Variants in PEMT observed in about 807,000 individuals in gnomAD.
The protein encoded by PEMT is phosphatidylethanolamine N-methyltransferase.
A neutral mutation model predicts 27.4 loss-of-function variants in PEMT; 23 were observed. That is an observed-to-expected ratio of 0.84 (90% CI 0.60 to 1.19). The LOEUF (loss-of-function observed/expected upper bound fraction) is 1.19, where lower values mean the gene tolerates loss of function less well. Among genes scored for constraint, PEMT ranks in the 50% most tolerant of loss-of-function variants. The pLI is 0.00. For synonymous variants in PEMT, 137 were observed against 139.1 expected (o/e 0.98, Z 0.11); for missense variants, 307 against 310.1 (o/e 0.99, Z 0.07).
intron 1 of PEMT, chr17:17,577,383 T>C: frequency 2.5e-6 from 2 of 812,426 alleles, no homozygotes; most frequent in South Asian, 3.0e-5. Flanking sequence ...CCCAAGCAGC[T>C]GAGATAAATG....
chr17:17,565,063 CTG>C (rs916720384), intron 2 of PEMT, among the ~76,000 whole-genome samples: 2 of 152,322 alleles, frequency 1.3e-5, no homozygotes, highest in Middle Eastern at 3.4e-3. Flanking sequence ...GTTTTGAAAA[CTG>C]TGGCTGGGGA....
At chr17:17,550,276 C>T (rs1203946710) in intron 2 of PEMT, among the ~76,000 whole-genome samples, 1 of 152,220 alleles carries the variant, frequency 6.6e-6, no homozygotes, top group Admixed American at 6.5e-5. Context: ...CTGCCTGTTC[C>T]AGGGCCTGCT....
intron 5 of PEMT, chr17:17,508,717 CG>C: frequency 2.4e-5 from 11 of 458,136 alleles, no homozygotes; most frequent in Admixed American, 2.5e-5. Flanking sequence ...TCCTCTGACC[CG>C]CCGGGGGAGC....
rs116876078 is a variant in PEMT, at chr17:17,537,601, G to T, written c.205-15206C>A. ...GCTGATTAGTCATGCTCTGCACGTG[G>T]CCACCTCTTCCATCCCTGATACTTG... On this transcript the variant is annotated intron_variant, in intron 2 of 6. Coordinates refer to ENST00000255389, the MANE Select transcript of PEMT (RefSeq NM_148172.3). Among the ~76,000 whole-genome samples the T allele has an allele frequency of 6.9e-3, 1,055 of 152,342 alleles. 5 individuals carry two copies. The highest frequency in any genetic ancestry group is 0.024 in the South Asian group (116 of 4,824).
chr17:17,551,546 G>A (rs970229106), intron 2 of PEMT, among the ~76,000 whole-genome samples: 6 of 152,166 alleles, frequency 3.9e-5, no homozygotes, highest in Admixed American at 6.5e-5. Flanking sequence ...GGGCCTGTCT[G>A]GGGCTGAGAT....
chr17:17,507,228 G>A (rs1231367746), intron 5 of PEMT: 2 of 1,525,372 alleles, frequency 1.3e-6, no homozygotes, highest in South Asian at 2.4e-5. Context: ...GAGGGAGGGA[G>A]GAAGAGAGGA....
chr17:17,578,119 CAGAA>C (rs1463848784), intron 1 of PEMT, among the ~76,000 whole-genome samples: 2 of 151,348 alleles, frequency 1.3e-5, no homozygotes, highest in African/African-American at 4.9e-5. Context: ...AGCACCTAGA[CAGAA>C]ATTTCTAGAA....
intron 2 of PEMT, among the ~76,000 whole-genome samples, chr17:17,539,837 C>T (rs1396038722): frequency 6.6e-6 from 1 of 152,178 alleles, no homozygotes; most frequent in Non-Finnish European, 1.5e-5. Context: ...TGCCGCAGCC[C>T]CTGTGCCCCA....
At chr17:17,541,476 G>C (rs73978969) in intron 2 of PEMT, among the ~76,000 whole-genome samples, 2 of 152,094 alleles carry the variant, frequency 1.3e-5, no homozygotes, top group Non-Finnish European at 2.9e-5. Context: ...CAAGACCACC[G>C]GCCGCAGCAG....
chr17:17,570,510 C>T (rs568904781), intron 2 of PEMT: 3 of 985,194 alleles, frequency 3.0e-6, no homozygotes, highest in East Asian at 1.1e-4. Context: ...AGTCAGCAAC[C>T]CTGAGTCAGA....
intron 1 of PEMT, among the ~76,000 whole-genome samples, chr17:17,587,503 C>T (rs1205529507): frequency 1.3e-5 from 2 of 152,092 alleles, no homozygotes; most frequent in African/African-American, 2.4e-5. Context: ...AATTCCAATT[C>T]CACACAATCT....
At chr17:17,543,559 C>T (rs1158921399) in intron 2 of PEMT, among the ~76,000 whole-genome samples, 1 of 152,112 alleles carries the variant, frequency 6.6e-6, no homozygotes, top group African/African-American at 2.4e-5. Context: ...GGGCAAAATC[C>T]AGCTTGTGCT....
intron 2 of PEMT, among the ~76,000 whole-genome samples, chr17:17,534,704 C>T (rs1908331844): frequency 6.6e-6 from 1 of 152,106 alleles, no homozygotes; most frequent in Admixed American, 6.5e-5. Flanking sequence ...AGTGCAGTGG[C>T]ACATGCCTGT....
chr17:17,520,345 G>A (rs1907172634), intron 3 of PEMT, among the ~76,000 whole-genome samples: 2 of 152,220 alleles, frequency 1.3e-5, no homozygotes, highest in South Asian at 4.1e-4. Flanking sequence ...TGGTGCCGGT[G>A]CCTGCCAGGT....
chr17:17,586,928 G>A (rs921480507), intron 1 of PEMT, among the ~76,000 whole-genome samples: 6 of 152,052 alleles, frequency 3.9e-5, no homozygotes, highest in Admixed American at 6.6e-5. Flanking sequence ...GCTTGAACCC[G>A]GGAGACGGAG....
At chr17:17,556,028 T>C (rs1050437815) in intron 2 of PEMT, among the ~76,000 whole-genome samples, 2 of 152,226 alleles carry the variant, frequency 1.3e-5, no homozygotes, top group African/African-American at 2.4e-5. Context: ...GCACCAGGCC[T>C]CCATGATGAG....
intron 2 of PEMT, among the ~76,000 whole-genome samples, chr17:17,539,699 C>T (rs1456420532): frequency 6.6e-6 from 1 of 152,242 alleles, no homozygotes; most frequent in Non-Finnish European, 1.5e-5. Flanking sequence ...AATCAGCTCA[C>T]AAGGTCACTG....
chr17:17,508,076 A>T (rs1389713659), intron 5 of PEMT: 1 of 152,474 alleles, frequency 6.6e-6, no homozygotes, highest in East Asian at 1.9e-4. Context: ...AGGACTGACA[A>T]GGGGCATAAG....
At chr17:17,585,814 G>A (rs1912212063) in intron 1 of PEMT, among the ~76,000 whole-genome samples, 1 of 152,082 alleles carries the variant, frequency 6.6e-6, no homozygotes, top group Non-Finnish European at 1.5e-5. Context: ...CGGGCGCGGT[G>A]AGTCATGCCT....
Sources: gnomAD v4.1 joint callset for allele counts (sites outside exome capture counted in the v4.1 genomes callset) on GRCh38, gnomAD v4.1.1 for gene constraint, MANE v1.5 for transcripts, NCBI Gene and HGNC (gene_info 2026-07-23, HGNC 2026-07-21) for gene names.